ITGA8: variants seen among roughly 807,000 people sequenced by gnomAD.
ITGA8 encodes the protein integrin subunit alpha 8, also known as integrin alpha-8.
In ITGA8, 91 loss-of-function variants were observed where a neutral mutation model predicts 142.3. The observed-to-expected ratio is 0.64, with a 90% CI of 0.54 to 0.76. The LOEUF (loss-of-function observed/expected upper bound fraction) is 0.76. Among genes scored for constraint, ITGA8 ranks in the 30% least tolerant of loss-of-function variants. The probability of loss-of-function intolerance (pLI) is 0.00; values close to 1 mark genes in which losing one functional copy is unlikely to be tolerated. For missense variants in ITGA8, 1,406 were observed against 1,327.7 expected, an observed-to-expected ratio of 1.06 and a Z score of -0.92; for synonymous variants, 505 against 485.2, an observed-to-expected ratio of 1.04 and a Z score of -0.54.
At chr10:15,580,796 C>T (rs1298359999) in intron 23 of ITGA8, among the ~76,000 whole-genome samples, 1 of 152,058 alleles carries the variant, frequency 6.6e-6, no homozygotes, top group Non-Finnish European at 1.5e-5. Context: ...AAAGGGTGTC[C>T]ACAAAATCCC....
intron 5 of ITGA8, among the ~76,000 whole-genome samples, chr10:15,678,079 A>G (rs1588717870): frequency 6.6e-6 from 1 of 152,202 alleles, no homozygotes; most frequent in East Asian, 1.9e-4. Flanking sequence ...CTCAGGAGAA[A>G]GAGCAAACAC....
In ITGA8 at chr10:15,517,035, GTCCC is replaced by G; in HGVS notation, c.*119_*122del. 1 of 495,856 alleles carries G rather than the reference GTCCC, an allele frequency of 2.0e-6. No individual in the cohort carries two copies. The highest frequency in any genetic ancestry group is 3.3e-6 in the Non-Finnish European group (1 of 302,934). 30.7% of individuals were successfully genotyped at this position (495,856 alleles called of 1,614,324 possible). A position where few individuals can be genotyped will look rare whatever the true frequency, so the allele number is the denominator to read the frequency against. On this transcript the variant is annotated 3_prime_UTR_variant, in exon 30 of 30. Transcript: ENST00000378076. ...GTGTAGATGAGGTGATGTTTCCAGG[GTCCC>G]CTCCATTTCCTGGGTCACTGTCAGG...
At chr10:15,600,476 C>T (rs1459807727) in intron 20 of ITGA8, among the ~76,000 whole-genome samples, 3 of 152,028 alleles carry the variant, frequency 2.0e-5, no homozygotes, top group East Asian at 1.9e-4. Flanking sequence ...GGAGGAGAAA[C>T]GGCTGGAACA....
At chr10:15,556,695 T>G (rs1310754117) in intron 26 of ITGA8, among the ~76,000 whole-genome samples, 1 of 152,238 alleles carries the variant, frequency 6.6e-6, no homozygotes, top group Non-Finnish European at 1.5e-5. Flanking sequence ...ATTCATTTCT[T>G]TGCATTACAA....
In ITGA8 at chr10:15,514,847, T is replaced by G. The variant is rs1832934764; in HGVS notation, c.*2311A>C. On this transcript the variant is annotated 3_prime_UTR_variant, in exon 30 of 30. Transcript: ENST00000378076. ...AGGAAAGGGCCATCTTGGCTGAGAC[T>G]CTGGGATGGTGCAGTTCACTTTGGA... 1 of 152,270 alleles carries G rather than the reference T, an allele frequency of 6.6e-6. No homozygotes were observed. The highest frequency in any genetic ancestry group is 1.5e-5 in the Non-Finnish European group (1 of 68,094). 9.4% of individuals were successfully genotyped at this position (152,270 alleles called of 1,614,324 possible). A position where few individuals can be genotyped will look rare whatever the true frequency, so the allele number is the denominator to read the frequency against.
chr10:15,717,887 A>G (rs1241458990), intron 2 of ITGA8, among the ~76,000 whole-genome samples: 1 of 152,260 alleles, frequency 6.6e-6, no homozygotes, highest in Non-Finnish European at 1.5e-5. Context: ...ATTAAAAATC[A>G]AAGAAATCAA....
At chr10:15,635,954 CACAG>C (rs1164852442) in intron 13 of ITGA8, among the ~76,000 whole-genome samples, 4 of 151,504 alleles carry the variant, frequency 2.6e-5, no homozygotes, top group Non-Finnish European at 4.4e-5. Context: ...CACACACACA[CACAG>C]AGCACTCATT....
intron 25 of ITGA8, among the ~76,000 whole-genome samples, chr10:15,561,209 C>CTATATA (rs529527480): frequency 0.011 from 1,240 of 116,874 alleles, 15 homozygotes; most frequent in East Asian, 0.019. Flanking sequence ...TATCTGTTGG[C>CTATATA]TATATATATA....
chr10:15,549,201 GT>G (rs67683436), intron 26 of ITGA8, among the ~76,000 whole-genome samples: 48 of 107,324 alleles, frequency 4.5e-4, no homozygotes, highest in East Asian at 1.0e-3. Context: ...TTTCTTTTCT[GT>G]TTTTTTTTTT....
chr10:15,650,074 C>T (rs908066986), intron 11 of ITGA8, among the ~76,000 whole-genome samples: 7 of 152,148 alleles, frequency 4.6e-5, no homozygotes, highest in South Asian at 4.1e-4. Context: ...AATCATGGTA[C>T]ATCATATAAT....
intron 27 of ITGA8, among the ~76,000 whole-genome samples, chr10:15,540,858 C>G (rs761516296): frequency 5.9e-5 from 9 of 152,126 alleles, no homozygotes; most frequent in Non-Finnish European, 1.3e-4. Context: ...TAAAGCAATC[C>G]CTAGCTGCCT....
intron 11 of ITGA8, among the ~76,000 whole-genome samples, chr10:15,654,487 C>T (rs1834147626): frequency 6.6e-6 from 1 of 152,170 alleles, no homozygotes. Context: ...TGAAATTTAT[C>T]TCCAGTCAAA....
intron 25 of ITGA8, among the ~76,000 whole-genome samples, chr10:15,570,626 A>C (rs1011188102): frequency 6.6e-6 from 1 of 151,100 alleles, no homozygotes; most frequent in Non-Finnish European, 1.5e-5. Flanking sequence ...AAAAAAAAAA[A>C]AAAAAAAAGA....
intron 2 of ITGA8, among the ~76,000 whole-genome samples, chr10:15,707,961 G>GACACACACACACACACACACACAC: frequency 6.9e-6 from 1 of 144,956 alleles, no homozygotes; most frequent in East Asian, 2.1e-4. Context: ...TGCACACACC[G>GACACACACACACACACACACACAC]ACACACACAC....
At chr10:15,654,325 G>A (rs904336485) in intron 11 of ITGA8, among the ~76,000 whole-genome samples, 3 of 152,168 alleles carry the variant, frequency 2.0e-5, no homozygotes, top group African/African-American at 7.2e-5. Flanking sequence ...TTTGTCTGTA[G>A]CAGCAACCTT....
intron 27 of ITGA8, among the ~76,000 whole-genome samples, chr10:15,532,186 A>C (rs1333395945): frequency 6.6e-6 from 1 of 151,896 alleles, no homozygotes; most frequent in Non-Finnish European, 1.5e-5. Flanking sequence ...TTCGGAGGCC[A>C]AGGTGGGCAG....
intron 10 of ITGA8, among the ~76,000 whole-genome samples, chr10:15,657,465 ATT>A (rs902507055): frequency 1.4e-5 from 2 of 144,930 alleles, no homozygotes; most frequent in African/African-American, 5.1e-5. Flanking sequence ...TGTCAAAATC[ATT>A]TTGTTTATTT....
chr10:15,522,673 C>G (rs1208414203), intron 28 of ITGA8, among the ~76,000 whole-genome samples: 2 of 152,208 alleles, frequency 1.3e-5, no homozygotes, highest in Admixed American at 6.5e-5. Context: ...ATAGGTAATT[C>G]AGGGTGAGCC....
At chr10:15,598,171 G>A (rs1373295906) in intron 20 of ITGA8, among the ~76,000 whole-genome samples, 1 of 151,978 alleles carries the variant, frequency 6.6e-6, no homozygotes, top group Non-Finnish European at 1.5e-5. Flanking sequence ...ATGTGCCATC[G>A]ATATATTATC....
Sources: allele counts gnomAD v4.1 joint callset (sites outside exome capture counted in the v4.1 genomes callset), GRCh38; gene constraint gnomAD v4.1.1; transcripts MANE v1.5; gene names NCBI Gene and HGNC (gene_info 2026-07-23, HGNC 2026-07-21).